FAT3: variants seen among roughly 807,000 people sequenced by gnomAD.
FAT3 encodes the protein protocadherin Fat 3.
Under a neutral mutation model 310.2 loss-of-function variants are expected in FAT3, and 95 were observed. The ratio of observed to expected loss-of-function variants is 0.31; its 90% CI spans 0.26 to 0.36. The LOEUF is 0.36. Among genes scored for constraint, FAT3 ranks in the 10% least tolerant of loss-of-function variants. The pLI is 1.00. For missense variants in FAT3, 5,408 were observed against 5,715.6 expected (o/e 0.95, Z 1.74); for synonymous variants, 2,314 against 2,192.9 (o/e 1.06, Z -1.54).
chr11:92,846,952 A>G (rs1292478175), intron 19 of FAT3, among the ~76,000 whole-genome samples: 1 of 152,210 alleles, frequency 6.6e-6, no homozygotes, highest in East Asian at 1.9e-4. Context: ...CAGGTGATAC[A>G]TGATAATCTT....
chr11:92,626,066 G>A (rs181795965), intron 3 of FAT3, among the ~76,000 whole-genome samples: 25 of 152,270 alleles, frequency 1.6e-4, no homozygotes, highest in South Asian at 1.2e-3. Flanking sequence ...TCCTAATGGA[G>A]GATTAGCTGG....
chr11:92,782,499 G>C (rs1220065180), intron 7 of FAT3, among the ~76,000 whole-genome samples: 1 of 152,084 alleles, frequency 6.6e-6, no homozygotes, highest in East Asian at 1.9e-4. Context: ...CTGAGCCTGG[G>C]AGGTCGAGGC....
intron 2 of FAT3, among the ~76,000 whole-genome samples, chr11:92,418,795 G>C (rs948513555): frequency 3.9e-5 from 6 of 152,096 alleles, no homozygotes; most frequent in Admixed American, 3.9e-4. Context: ...CCAAAAGTTG[G>C]TTTTTATGGG....
At chr11:92,692,065 A>C (rs1365298787) in intron 3 of FAT3, among the ~76,000 whole-genome samples, 1 of 152,182 alleles carries the variant, frequency 6.6e-6, no homozygotes, top group African/African-American at 2.4e-5. Flanking sequence ...TGGAATGGCC[A>C]CAAATCCTTT....
At chr11:92,309,581 C>A (rs1323718705) in intron 1 of FAT3, among the ~76,000 whole-genome samples, 1 of 152,130 alleles carries the variant, frequency 6.6e-6, no homozygotes, top group African/African-American at 2.4e-5. Flanking sequence ...CCCACCCCTT[C>A]CCTTTTCTCC....
chr11:92,232,408 C>T (rs192111607), intron 1 of FAT3, among the ~76,000 whole-genome samples: 2 of 152,034 alleles, frequency 1.3e-5, no homozygotes, highest in Non-Finnish European at 2.9e-5. Context: ...GAAAAATATG[C>T]CTGGAATTGA....
At chr11:92,507,260 GA>G (rs1318769984) in intron 2 of FAT3, among the ~76,000 whole-genome samples, 1 of 152,134 alleles carries the variant, frequency 6.6e-6, no homozygotes, top group East Asian at 1.9e-4. Flanking sequence ...AACAATCCAA[GA>G]AATCTATAGA....
Position 92,362,098 on chromosome 11 carries a change from G to GGT in FAT3, c.3292+6694_3292+6695insGT, listed in dbSNP as rs536505352. On this transcript the variant is annotated intron_variant, in intron 2 of 27. Transcript: ENST00000525166. Reference sequence around the variant, plus strand: ...TATGAGGAAAGACTCACAGGCCCGTGCCTATGCATTTACATTTACCTTTCT... The same window carrying GGT: ...TATGAGGAAAGACTCACAGGCCCGTGGTCCTATGCATTTACATTTACCTTTCT... Among the ~76,000 whole-genome samples the GGT allele has an allele frequency of 1.5e-4, 23 of 152,246 alleles. No individual in the cohort carries two copies. The East Asian group carries it at 4.1e-3, about 27-fold the overall frequency.
At chr11:92,754,049 G>A (rs1945904007) in intron 4 of FAT3, among the ~76,000 whole-genome samples, 1 of 151,778 alleles carries the variant, frequency 6.6e-6, no homozygotes, top group Non-Finnish European at 1.5e-5. Flanking sequence ...GCTCAGGTGA[G>A]GGGTGCACCA....
intron 1 of FAT3, among the ~76,000 whole-genome samples, chr11:92,231,316 TA>T (rs1024066401): frequency 5.9e-5 from 9 of 152,282 alleles, no homozygotes; most frequent in Non-Finnish European, 7.4e-5. Flanking sequence ...TTTTTTACCT[TA>T]AAAAAATTTG....
chr11:92,871,099 A>ATGACCATACCACTGCACTTCAGCCT (rs1358894382), intron 22 of FAT3, among the ~76,000 whole-genome samples: 7 of 152,244 alleles, frequency 4.6e-5, no homozygotes, highest in Non-Finnish European at 8.8e-5. Context: ...ATAGTGAGCT[A>ATGACCATACCACTGCACTTCAGCCT]TGACCATACC....
intron 2 of FAT3, among the ~76,000 whole-genome samples, chr11:92,478,082 C>CT (rs1952096227): frequency 1.3e-5 from 2 of 152,184 alleles, no homozygotes; most frequent in African/African-American, 4.8e-5. Flanking sequence ...AGACAGCTAG[C>CT]TATAGGTTAA....
intron 2 of FAT3, among the ~76,000 whole-genome samples, chr11:92,362,679 T>C (rs1214494337): frequency 6.6e-6 from 1 of 152,244 alleles, no homozygotes; most frequent in Admixed American, 6.5e-5. Flanking sequence ...GTAAATAGTC[T>C]ATTTATTAAA....
rs1272755973 is a variant in FAT3, at chr11:92,306,746, T to A, written c.-17-45350T>A. Among the ~76,000 whole-genome samples, 416 of 120,890 alleles carry A rather than the reference T, an allele frequency of 3.4e-3. 2 individuals carry two copies. The highest frequency in any genetic ancestry group is 5.4e-3 in the Non-Finnish European group (332 of 61,200). 79.3% of individuals were successfully genotyped at this position (120,890 alleles called of 152,430 possible). ...TATTATATATATATTTATATATAAA[T>A]ATATATAAATATATATATAAATAAA... is the stretch of plus-strand genomic sequence containing the variant. On this transcript the variant is annotated intron_variant, in intron 1 of 27. Coordinates refer to ENST00000525166, the MANE Select transcript of FAT3 (RefSeq NM_001367949.2).
chr11:92,867,148 C>T lies in FAT3; in HGVS notation c.12066C>T (p.Pro4022=), dbSNP rs775244917. ...TGAAGCTGGGCTGCGTGCTCTATCCCGACGCCTGCAAGCGCAGCCCGTGCC... is the reference window on the plus strand; with the variant it reads ...TGAAGCTGGGCTGCGTGCTCTATCCTGACGCCTGCAAGCGCAGCCCGTGCC... ...TELKLGCVLY[P]DACKRSPCQH... The change falls in exon 22 of 28, where the codon CCC becomes CCT. Residue 4022 remains proline (P), a synonymous_variant. Coordinates refer to ENST00000525166, the MANE Select transcript of FAT3 (RefSeq NM_001367949.2). 1.1e-5 allele frequency: 18 copies of T among 1,600,564 alleles called. No homozygotes were observed. The highest frequency in any genetic ancestry group is 6.7e-5 in the African/African-American group (5 of 74,876).
In FAT3 at chr11:92,344,453, CAAGTCACCCTT is replaced by C. The variant is rs1356905623; in HGVS notation, c.-17-7641_-17-7631del. Among the ~76,000 whole-genome samples the C allele has an allele frequency of 2.6e-5, 4 of 152,250 alleles. No individual in the cohort carries two copies. The East Asian group carries it at 7.7e-4, about 29-fold the overall frequency. ...ATCCTGGTATTGCAGTATTTGTGTT[CAAGTCACCCTT>C]ACTGTACTTAATAATGGCCCCAAAG... On this transcript the variant is annotated intron_variant, in intron 1 of 27. Transcript: ENST00000525166.
chr11:92,798,701 C>A lies in FAT3; in HGVS notation c.5688C>A (p.Thr1896=). Residue 1896 remains threonine (T), a synonymous_variant, in exon 10 of 28, where the codon ACC becomes ACA. Coordinates refer to ENST00000525166, the MANE Select transcript of FAT3 (RefSeq NM_001367949.2). ...AVFETILLLP[T]YVGVEVLKVS... ...TTGAGACTATCTTACTTCTACCTAC[C>A]TATGTTGGAGTGGAGGTTCTGAAAG... is the stretch of plus-strand genomic sequence containing the variant. The A allele has an allele frequency of 6.2e-7, 1 of 1,613,760 alleles. No homozygotes were observed. Among genetic ancestry groups the A allele is most frequent in the South Asian group, 1.1e-5 (1 of 91,044 alleles).
At chr11:92,329,094 C>T (rs1326303762) in intron 1 of FAT3, among the ~76,000 whole-genome samples, 1 of 147,912 alleles carries the variant, frequency 6.8e-6, no homozygotes, top group Non-Finnish European at 1.5e-5. Flanking sequence ...ATCATCCAGA[C>T]TTTTTTTTTT....
intron 2 of FAT3, among the ~76,000 whole-genome samples, chr11:92,376,408 G>T (rs1439225252): frequency 1.3e-5 from 2 of 152,318 alleles, no homozygotes; most frequent in South Asian, 2.1e-4. Flanking sequence ...TGGGAAAGCA[G>T]CCTGTGTGGG....
Sources: allele counts gnomAD v4.1 joint callset (sites outside exome capture counted in the v4.1 genomes callset), GRCh38; gene constraint gnomAD v4.1.1; transcripts MANE v1.5; gene names NCBI Gene and HGNC (gene_info 2026-07-23, HGNC 2026-07-21).